Variants in SDK1 observed in about 807,000 individuals in gnomAD.
SDK1 encodes the protein protein sidekick-1.
Under a neutral mutation model 245.5 loss-of-function variants are expected in SDK1, and 157 were observed. That is an observed-to-expected ratio of 0.64 (90% CI 0.56 to 0.73). The LOEUF (loss-of-function observed/expected upper bound fraction) is 0.73. Among genes scored for constraint, SDK1 ranks in the 30% least tolerant of loss-of-function variants. The pLI, the probability that SDK1 is intolerant of heterozygous loss-of-function variation, is 0.00. For missense variants in SDK1, 3,583 were observed against 3,002.3 expected (o/e 1.19, Z -4.52); for synonymous variants, 1,647 against 1,278.5 (o/e 1.29, Z -6.15).
At chr7:3,416,516 T>C (rs1242049567) in intron 1 of SDK1, among the ~76,000 whole-genome samples, 1 of 148,660 alleles carries the variant, frequency 6.7e-6, no homozygotes, top group Non-Finnish European at 1.5e-5. Context: ...TGCAGAAAGG[T>C]GCCAGCTATC....
intron 1 of SDK1, among the ~76,000 whole-genome samples, chr7:3,310,988 G>A (rs1460590443): frequency 6.6e-6 from 1 of 152,172 alleles, no homozygotes; most frequent in East Asian, 1.9e-4. Flanking sequence ...CATGCATCCA[G>A]TAAGTGTTAG....
At chr7:3,555,346 C>T (rs978886157) in intron 1 of SDK1, among the ~76,000 whole-genome samples, 1 of 152,116 alleles carries the variant, frequency 6.6e-6, no homozygotes, top group African/African-American at 2.4e-5. Flanking sequence ...ACACTCTTTT[C>T]AGTAAATGTT....
intron 5 of SDK1, among the ~76,000 whole-genome samples, chr7:3,862,870 A>G (rs1780728622): frequency 2.0e-5 from 3 of 152,214 alleles, no homozygotes; most frequent in Admixed American, 2.0e-4. Flanking sequence ...TTAGATTCTC[A>G]TAAGGAGCAT....
intron 1 of SDK1, among the ~76,000 whole-genome samples, chr7:3,361,439 C>T (rs1161095344): frequency 2.6e-5 from 4 of 152,180 alleles, no homozygotes; most frequent in Non-Finnish European, 5.9e-5. Context: ...AGTTCTTGCC[C>T]TTGGCTTCTC....
intron 17 of SDK1, among the ~76,000 whole-genome samples, chr7:4,036,508 C>A (rs1204288563): frequency 2.6e-5 from 4 of 152,198 alleles, no homozygotes; most frequent in Non-Finnish European, 4.4e-5. Flanking sequence ...TTACATCTCA[C>A]AGTTTTTAAC....
At chr7:4,206,087 G>A (rs551829133) in intron 36 of SDK1, 93 bp downstream of exon 36, 24 of 812,590 alleles carry the variant, frequency 3.0e-5, no homozygotes, top group East Asian at 2.0e-4. Context: ...AGCAGACCCC[G>A]CAGGCGCTCC....
intron 38 of SDK1, among the ~76,000 whole-genome samples, chr7:4,214,647 C>A (rs937451957): frequency 7.0e-6 from 1 of 142,272 alleles, no homozygotes; most frequent in African/African-American, 3.1e-5. Context: ...GCCATGCAGA[C>A]CCCCCACGTT....
chr7:3,508,264 C>T (rs537485168), intron 1 of SDK1, among the ~76,000 whole-genome samples: 75 of 151,806 alleles, frequency 4.9e-4, no homozygotes, highest in African/African-American at 1.8e-3. Flanking sequence ...CAAAAGTATG[C>T]CCCAAATTAA....
At chr7:3,340,324 T>A (rs1780312795) in intron 1 of SDK1, among the ~76,000 whole-genome samples, 2 of 152,142 alleles carry the variant, frequency 1.3e-5, no homozygotes, top group African/African-American at 4.8e-5. Context: ...TGAAGTGCAA[T>A]AACATTTTGT....
intron 4 of SDK1, among the ~76,000 whole-genome samples, chr7:3,696,877 G>A (rs1367980807): frequency 6.6e-6 from 1 of 151,670 alleles, no homozygotes; most frequent in African/African-American, 2.4e-5. Context: ...ACAGTAGATA[G>A]GAGACCTCTG....
At position 4,205,953 on chromosome 7, in the gene SDK1, C is replaced by T. The variant is rs1344812031; in HGVS notation, c.5173C>T (p.Pro1725Ser). 4 of 1,562,498 alleles carry T rather than the reference C, an allele frequency of 2.6e-6. No homozygotes were observed. The highest frequency in any genetic ancestry group is 2.7e-5 in the African/African-American group (2 of 73,652). The part of the protein sequence containing the change: ...ASQLEVTWDP[P>S]PPESQNGNIQ... ...CCAGCTGGAGGTCACGTGGGACCCA[C>T]CACCCCCGGAGAGCCAGAATGGGAA... The change falls in exon 36 of 45, where the codon CCA becomes TCA. Residue 1725 changes from proline (P) to serine (S), a missense_variant. Physicochemically the swap from Pro to Ser is moderately conservative, Grantham distance 74. Transcript: ENST00000404826.
chr7:3,333,680 C>T (rs191512462), intron 1 of SDK1, among the ~76,000 whole-genome samples: 1 of 152,188 alleles, frequency 6.6e-6, no homozygotes, highest in African/African-American at 2.4e-5. Context: ...CCATGTGGCT[C>T]AGCACTTCTG....
chr7:4,027,005 C>A (rs1319353009), intron 17 of SDK1, among the ~76,000 whole-genome samples: 3 of 152,194 alleles, frequency 2.0e-5, no homozygotes, highest in African/African-American at 7.2e-5. Context: ...ATAGTTTAAA[C>A]CATGTACATT....
intron 1 of SDK1, among the ~76,000 whole-genome samples, chr7:3,468,756 G>C (rs140652320): frequency 7.9e-5 from 12 of 152,280 alleles, no homozygotes; most frequent in Non-Finnish European, 1.6e-4. Context: ...AGTGTTGTCC[G>C]TATTTTGTTA....
At chr7:3,451,182 A>G (rs62437736) in intron 1 of SDK1, among the ~76,000 whole-genome samples, 5,046 of 152,218 alleles carry the variant, frequency 0.033, 119 homozygotes, top group Non-Finnish European at 0.051. Flanking sequence ...GACGTGAGCA[A>G]TGTCCTAAAT....
intron 28 of SDK1, among the ~76,000 whole-genome samples, chr7:4,135,061 A>G (rs1454443185): frequency 6.6e-6 from 1 of 152,178 alleles, no homozygotes; most frequent in Non-Finnish European, 1.5e-5. Context: ...GCTTCTCCTC[A>G]GCACGCCCGC....
intron 1 of SDK1, among the ~76,000 whole-genome samples, chr7:3,583,752 G>A (rs541718010): frequency 5.9e-5 from 9 of 152,248 alleles, no homozygotes; most frequent in South Asian, 4.2e-4. Context: ...GGAAGACTGC[G>A]TCCACCTGCT....
intron 28 of SDK1, among the ~76,000 whole-genome samples, chr7:4,136,409 G>T (rs1296072422): frequency 1.3e-5 from 2 of 152,172 alleles, no homozygotes; most frequent in African/African-American, 4.8e-5. Context: ...TCCCACTCTG[G>T]CAGCTTGGCC....
intron 1 of SDK1, among the ~76,000 whole-genome samples, chr7:3,540,884 A>G (rs1474121128): frequency 6.6e-6 from 1 of 152,198 alleles, no homozygotes; most frequent in Admixed American, 6.5e-5. Flanking sequence ...AGGAATCACT[A>G]TTTTTATATC....
Sources: gnomAD v4.1 joint callset for allele counts (sites outside exome capture counted in the v4.1 genomes callset) on GRCh38, gnomAD v4.1.1 for gene constraint, MANE v1.5 for transcripts, NCBI Gene and HGNC (gene_info 2026-07-23, HGNC 2026-07-21) for gene names.